Variants in PHF20 observed in about 807,000 individuals in gnomAD.
PHF20 encodes glioma-expressed antigen 2.
A neutral mutation model predicts 113.5 loss-of-function variants in PHF20; 23 were observed. The ratio of observed to expected loss-of-function variants is 0.20; its 90% CI spans 0.15 to 0.29. PHF20 has a LOEUF of 0.29. Ranked by LOEUF, PHF20 falls within the 10% of genes least tolerant of loss-of-function variation. The pLI, the probability that PHF20 is intolerant of heterozygous loss-of-function variation, is 1.00. For missense variants in PHF20, 943 were observed against 1,219.6 expected, an observed-to-expected ratio of 0.77 and a Z score of 3.38; for synonymous variants, 434 against 457.3, an observed-to-expected ratio of 0.95 and a Z score of 0.65.
At chr20:35,888,274 C>T (rs1397797120) in intron 9 of PHF20, among the ~76,000 whole-genome samples, 1 of 152,142 alleles carries the variant, frequency 6.6e-6, no homozygotes, top group Non-Finnish European at 1.5e-5. Context: ...AGCCACCACG[C>T]CTGGCCTAGG....
intron 3 of PHF20, among the ~76,000 whole-genome samples, chr20:35,845,195 A>C (rs553273318): frequency 6.7e-6 from 1 of 149,736 alleles, no homozygotes; most frequent in Non-Finnish European, 1.5e-5. Context: ...AGCTTCATTT[A>C]TGGTGTTTTT....
chr20:35,938,542 C>T (rs965734227), intron 15 of PHF20, 155 bp from the exon 16 acceptor site: 5 of 712,422 alleles, frequency 7.0e-6, no homozygotes, highest in South Asian at 1.8e-5. Flanking sequence ...TAGGAGACCA[C>T]GGATTCACAT....
At chr20:35,830,515 TG>T (rs1445072210) in intron 2 of PHF20, among the ~76,000 whole-genome samples, 1 of 152,214 alleles carries the variant, frequency 6.6e-6, no homozygotes, top group East Asian at 1.9e-4. Context: ...GACACTTGGG[TG>T]GCTTTTTGAC....
intron 2 of PHF20, among the ~76,000 whole-genome samples, chr20:35,827,545 G>GA (rs1267529419): frequency 1.3e-5 from 2 of 152,056 alleles, no homozygotes; most frequent in Admixed American, 1.3e-4. Flanking sequence ...AGCACTTTGG[G>GA]AGGCTGAGGT....
intron 2 of PHF20, among the ~76,000 whole-genome samples, chr20:35,817,343 C>T (rs1012581125): frequency 3.3e-5 from 5 of 152,004 alleles, no homozygotes; most frequent in African/African-American, 4.8e-5. Context: ...CCTGCCACGG[C>T]GCCCAGCTAA....
chr20:35,916,928 AT>A (rs957834332), intron 12 of PHF20, among the ~76,000 whole-genome samples: 3 of 150,362 alleles, frequency 2.0e-5, no homozygotes, highest in East Asian at 1.9e-4. Flanking sequence ...TGCCCAGCTA[AT>A]TTTTTTTTTC....
intron 15 of PHF20, among the ~76,000 whole-genome samples, chr20:35,933,053 C>T (rs867311981): frequency 1.3e-5 from 2 of 151,796 alleles, no homozygotes; most frequent in African/African-American, 4.8e-5. Flanking sequence ...TGAGTAATAA[C>T]TTGTTTTATG....
chr20:35,945,349 A>G (rs1409143251), intron 17 of PHF20, among the ~76,000 whole-genome samples: 1 of 152,172 alleles, frequency 6.6e-6, no homozygotes, highest in African/African-American at 2.4e-5. Context: ...AAATCATCCC[A>G]TTACCTGTAA....
At chr20:35,923,166 A>G (rs2055552580) in intron 13 of PHF20, among the ~76,000 whole-genome samples, 1 of 152,186 alleles carries the variant, frequency 6.6e-6, no homozygotes, top group Non-Finnish European at 1.5e-5. Flanking sequence ...CTGTGTTCAC[A>G]TAATACTTTA....
chr20:35,849,602 C>A, intron 4 of PHF20: 1 of 437,904 alleles, frequency 2.3e-6, no homozygotes, highest in South Asian at 1.7e-5. Flanking sequence ...GTTTGTGCTT[C>A]ATCACGATTC....
chr20:35,834,316 G>A (rs190680231), intron 2 of PHF20, among the ~76,000 whole-genome samples: 105 of 147,022 alleles, frequency 7.1e-4, no homozygotes, highest in African/African-American at 2.6e-3. Flanking sequence ...GCAGTGGTGC[G>A]ATCTCGGCTC....
chr20:35,941,074 G>A (rs765806016), intron 17 of PHF20, 27 bp downstream of exon 17: 1 of 1,594,956 alleles, frequency 6.3e-7, no homozygotes, highest in Admixed American at 1.7e-5. Flanking sequence ...GGCCCCCTGT[G>A]CATTGGCATG....
chr20:35,925,101 C>T (rs182656528), intron 13 of PHF20, among the ~76,000 whole-genome samples: 117 of 152,004 alleles, frequency 7.7e-4, no homozygotes, highest in African/African-American at 2.7e-3. Flanking sequence ...TATATTTGCT[C>T]GTACAATTCT....
At chr20:35,916,633 A>AT (rs370132395) in intron 12 of PHF20, among the ~76,000 whole-genome samples, 1 of 151,786 alleles carries the variant, frequency 6.6e-6, no homozygotes, top group African/African-American at 2.4e-5. Context: ...CACCTAGCTA[A>AT]TTTTTTTGTA....
At chr20:35,913,197 C>A (rs1465777539) in intron 10 of PHF20, 52 bp from the exon 11 acceptor site, 10 of 1,317,900 alleles carry the variant, frequency 7.6e-6, no homozygotes, top group Admixed American at 7.1e-5. Context: ...GAATAAGCAC[C>A]CCAGCATTGA....
chr20:35,913,597 G>A (rs1363041505), intron 11 of PHF20, among the ~76,000 whole-genome samples: 1 of 152,216 alleles, frequency 6.6e-6, no homozygotes, highest in East Asian at 1.9e-4. Flanking sequence ...CCTGCTGCAG[G>A]ATGGTACAGA....
intron 9 of PHF20, among the ~76,000 whole-genome samples, chr20:35,894,609 T>C (rs905688515): frequency 6.6e-6 from 1 of 152,234 alleles, no homozygotes; most frequent in African/African-American, 2.4e-5. Context: ...ATAGTCATAG[T>C]AGATAATATT....
At chr20:35,789,440 A>C (rs188705055) in intron 1 of PHF20, among the ~76,000 whole-genome samples, 1,588 of 152,018 alleles carry the variant, frequency 0.01, 27 homozygotes, top group African/African-American at 0.036. Flanking sequence ...AAAAAAAAAA[A>C]AAAACAAAAG....
chr20:35,876,765 G>A (rs1227606856), intron 9 of PHF20, among the ~76,000 whole-genome samples: 2 of 151,398 alleles, frequency 1.3e-5, no homozygotes, highest in Admixed American at 6.6e-5. Context: ...GACGTCAGGA[G>A]TTAGAGACCA....
Sources: allele counts gnomAD v4.1 joint callset (sites outside exome capture counted in the v4.1 genomes callset), GRCh38; gene constraint gnomAD v4.1.1; transcripts MANE v1.5; gene names NCBI Gene and HGNC (gene_info 2026-07-23, HGNC 2026-07-21).